The following FCGR2A variants were observed in gnomAD, a reference collection of about 807,000 sequenced individuals.
FCGR2A encodes the protein low affinity immunoglobulin gamma Fc region receptor II-a.
FCGR2A carries 18 observed loss-of-function variants against 29.3 expected under a neutral mutation model. The observed-to-expected ratio is 0.62, with a 90% CI of 0.43 to 0.91. The LOEUF is 0.91. FCGR2A is among the 40% of genes least tolerant of loss of function. The pLI is 0.00. For synonymous variants in FCGR2A, 126 were observed against 144.8 expected, an observed-to-expected ratio of 0.87 and a Z score of 0.93; for missense variants, 287 against 393.0, an observed-to-expected ratio of 0.73 and a Z score of 2.28.
chr1:161,508,643 A>G (rs1485652833), intron 3 of FCGR2A, among the ~76,000 whole-genome samples: 1 of 151,956 alleles, frequency 6.6e-6, no homozygotes, highest in African/African-American at 2.4e-5. Context: ...TTATTTAAAT[A>G]AGATCGAATA....
At chr1:161,514,862 T>C (rs1676049296) in intron 6 of FCGR2A, 1 of 151,420 alleles carries the variant, frequency 6.6e-6, no homozygotes, top group South Asian at 2.1e-4. Flanking sequence ...GGGGGTCCAG[T>C]TGGAGTCCTC....
chr1:161,520,560 A>G (rs539897783), downstream of FCGR2A, among the ~76,000 whole-genome samples: 324 of 151,832 alleles, frequency 2.1e-3, 2 homozygotes, highest in Non-Finnish European at 3.3e-3. Context: ...CTCCTCAAAT[A>G]TGTAAAGCCT....
intron 5 of FCGR2A, among the ~76,000 whole-genome samples, chr1:161,512,057 C>T (rs554773714): frequency 2.0e-5 from 3 of 152,218 alleles, no homozygotes; most frequent in South Asian, 2.1e-4. Flanking sequence ...GAGGAGAGGG[C>T]GGTGTTCAAA....
intron 5 of FCGR2A, among the ~76,000 whole-genome samples, 174 bp downstream of exon 5, chr1:161,511,130 C>T (rs1675751411): frequency 6.6e-6 from 1 of 152,224 alleles, no homozygotes; most frequent in African/African-American, 2.4e-5. Context: ...TAATAGGAGT[C>T]ACCTCACAGG....
chr1:161,512,981 T>C (rs1476902286), intron 5 of FCGR2A, among the ~76,000 whole-genome samples: 1 of 152,188 alleles, frequency 6.6e-6, no homozygotes, highest in Non-Finnish European at 1.5e-5. Context: ...GCTGCATAAA[T>C]GGTTTTTTAA....
downstream of FCGR2A, among the ~76,000 whole-genome samples, chr1:161,520,721 A>T (rs1018007309): frequency 3.3e-5 from 5 of 151,852 alleles, no homozygotes; most frequent in African/African-American, 1.2e-4. Flanking sequence ...CACCCTTGCC[A>T]TCCTATAGTC....
At chr1:161,517,675 A>G (rs1676227318) in intron 6 of FCGR2A, among the ~76,000 whole-genome samples, 1 of 152,012 alleles carries the variant, frequency 6.6e-6, no homozygotes, top group Non-Finnish European at 1.5e-5. Flanking sequence ...GATGACTTGA[A>G]ACTTTATCAT....
intron 6 of FCGR2A, chr1:161,514,979 G>A (rs1205526487): frequency 5.9e-5 from 9 of 152,096 alleles, no homozygotes; most frequent in Non-Finnish European, 1.3e-4. Context: ...AGATAATATG[G>A]GCCCAGAACC....
At chr1:161,512,692 C>G (rs186871840) in intron 5 of FCGR2A, among the ~76,000 whole-genome samples, 1 of 152,142 alleles carries the variant, frequency 6.6e-6, no homozygotes, top group Non-Finnish European at 1.5e-5. Flanking sequence ...AGGAAAAAGG[C>G]TGTCAAAGAC....
intron 4 of FCGR2A, 61 bp from the exon 5 acceptor site, chr1:161,510,773 A>G (rs560140225): frequency 1.9e-6 from 3 of 1,601,136 alleles, no homozygotes; most frequent in Non-Finnish European, 1.7e-6. Flanking sequence ...GACAGGGAGA[A>G]TACAAACGTT....
intron 4 of FCGR2A, chr1:161,510,376 G>A: frequency 1.6e-6 from 1 of 620,556 alleles, no homozygotes; most frequent in Non-Finnish European, 2.9e-6. Flanking sequence ...CTAAGCTCCT[G>A]GGCATTCCTA....
downstream of FCGR2A, among the ~76,000 whole-genome samples, chr1:161,522,597 T>A (rs190192971): frequency 6.6e-6 from 1 of 152,118 alleles, no homozygotes. Flanking sequence ...CGTTGGCAAA[T>A]GTCTTGACTC....
At chr1:161,520,391 GACTCACTC>G (rs1676406338), downstream of FCGR2A, among the ~76,000 whole-genome samples, 2 of 151,880 alleles carry the variant, frequency 1.3e-5, no homozygotes. Context: ...GCTCTCGTGA[GACTCACTC>G]ACTATTATGA....
In FCGR2A at chr1:161,518,086, G is replaced by C. The variant is rs760878448; in HGVS notation, c.892G>C (p.Asp298His). The change falls in exon 7 of 7, where the codon GAC (aspartate) becomes CAC (histidine). Residue 298 changes from aspartate (D) to histidine (H), a missense_variant. Physicochemically the swap from Asp to His is moderately conservative, Grantham distance 81. Around this residue, in one of 3 missense-constraint regions of FCGR2A, gnomAD observed 34 missense variants for 73.5 expected, o/e 0.46. Transcript: ENST00000271450. ...YMTLNPRAPTDDDKNIYLTLP... is the reference protein window; with the variant it reads ...YMTLNPRAPTHDDKNIYLTLP... ...GACTCTGAACCCCAGGGCACCTACT[G>C]ACGATGATAAAAACATCTACCTGAC... 3 of 1,613,634 alleles carry C rather than the reference G, an allele frequency of 1.9e-6. No individual in the cohort carries two copies. In the African/African-American group the frequency reaches 4.0e-5, roughly 22 times the overall value.
intron 2 of FCGR2A, 112 bp downstream of exon 2, chr1:161,506,119 G>C: frequency 7.6e-7 from 1 of 1,311,990 alleles, no homozygotes. Flanking sequence ...ATCAAGCTTG[G>C]GTTCAGCATG....
Position 161,518,133 on chromosome 1 carries a change from C to T in FCGR2A, c.939C>T (p.Val313=), listed in dbSNP as rs1361781955. 6.2e-7 allele frequency: 1 copy of T among 1,613,564 alleles called. No homozygotes were observed. Among genetic ancestry groups the T allele is most frequent in the Non-Finnish European group, 8.5e-7 (1 of 1,179,860 alleles). ...IYLTLPPNDH[V]NSNN is the part of the protein sequence containing the mutation. ...TGACTCTTCCTCCCAACGACCATGT[C>T]AACAGTAATAACTAAAGAGTAACGT... The change falls in exon 7 of 7, where the codon GTC becomes GTT. Residue 313 remains valine (V), a synonymous_variant. Coordinates refer to ENST00000271450, the MANE Select transcript of FCGR2A (RefSeq NM_001136219.3).
chr1:161,511,965 G>A (rs189175786), intron 5 of FCGR2A, among the ~76,000 whole-genome samples: 10 of 152,264 alleles, frequency 6.6e-5, no homozygotes, highest in Admixed American at 5.9e-4. Flanking sequence ...GGCTCAAATC[G>A]CTTGGTCAAC....
chr1:161,509,985 C>A lies in FCGR2A; in HGVS notation c.530C>A (p.Ala177Glu). 1.2e-6 allele frequency: 2 copies of A among 1,613,960 alleles called. No homozygotes were observed. Among genetic ancestry groups the A allele is most frequent in the Non-Finnish European group, 1.7e-6 (2 of 1,179,876 alleles). Reference sequence around the variant, plus strand: ...GATCCCACCTTCTCCATCCCACAAGCAAACCACAGTCACAGTGGTGATTAC... The same window carrying A: ...GATCCCACCTTCTCCATCCCACAAGAAAACCACAGTCACAGTGGTGATTAC... Reference protein sequence around the residue: ...HLDPTFSIPQANHSHSGDYHC... With the variant: ...HLDPTFSIPQENHSHSGDYHC... The change falls in exon 4 of 7, where the codon GCA (alanine) becomes GAA (glutamate). Residue 177 changes from alanine (A) to glutamate (E), a missense_variant. Transcript: ENST00000271450.
chr1:161,506,599 G>C lies in FCGR2A; in HGVS notation c.364+8G>C. The C allele has an allele frequency of 6.2e-7, 1 of 1,614,024 alleles. No homozygotes were observed. Among genetic ancestry groups the C allele is most frequent in the East Asian group, 2.2e-5 (1 of 44,882 alleles). On this transcript the variant is annotated splice_region_variant and intron_variant, in intron 3 of 6. Transcript: ENST00000271450. The stretch of plus-strand genomic sequence containing the variant: ...ATCTGACTGTGCTTTCCGGTCAGTG[G>C]AGGAAGGCCCCAGGGTGGACCTGGG...
Sources: allele counts gnomAD v4.1 joint callset (sites outside exome capture counted in the v4.1 genomes callset), GRCh38; gene constraint gnomAD v4.1.1; regional missense constraint gnomAD v4.1.1; transcripts MANE v1.5; gene names NCBI Gene and HGNC (gene_info 2026-07-23, HGNC 2026-07-21).